Variants in PCDHGB3 observed in about 807,000 individuals in gnomAD.
PCDHGB3 encodes protocadherin gamma subfamily B, 3, also known as protocadherin gamma-B3.
Under a neutral mutation model 59.2 loss-of-function variants are expected in PCDHGB3, and 40 were observed. That is an observed-to-expected ratio of 0.68 (90% CI 0.52 to 0.88). The LOEUF (loss-of-function observed/expected upper bound fraction) is 0.88. PCDHGB3 is among the 40% of genes least tolerant of loss of function. PCDHGB3 has a pLI of 0.00. For synonymous variants in PCDHGB3, 581 were observed against 503.6 expected (o/e 1.15, Z -2.06); for missense variants, 1,309 against 1,187.9 (o/e 1.10, Z -1.50).
chr5:141,415,853 G>A, intron 1 of PCDHGB3: 1 of 1,186,350 alleles, frequency 8.4e-7, no homozygotes, highest in Non-Finnish European at 1.1e-6. Flanking sequence ...GCAGAACCTT[G>A]TAGTTTATAG....
At chr5:141,495,852 TCTCA>T (rs1473070626) in intron 2 of PCDHGB3, among the ~76,000 whole-genome samples, 1 of 152,174 alleles carries the variant, frequency 6.6e-6, no homozygotes, top group Non-Finnish European at 1.5e-5. Flanking sequence ...TTTCTCTGTC[TCTCA>T]CTATTTCTGC....
At chr5:141,409,618 G>T (rs374484255) in intron 1 of PCDHGB3, 77 of 1,613,776 alleles carry the variant, frequency 4.8e-5, no homozygotes, top group Non-Finnish European at 6.3e-5. Context: ...CCTCCATTGC[G>T]CAAGTGAGCG....
At chr5:141,418,855 A>C in intron 1 of PCDHGB3, 1 of 1,614,042 alleles carries the variant, frequency 6.2e-7, no homozygotes, top group Non-Finnish European at 8.5e-7. Context: ...CACGGTGTAA[A>C]GTAATTGTAG....
intron 1 of PCDHGB3, among the ~76,000 whole-genome samples, chr5:141,460,983 G>GTGTGTGTA (rs1554142949): frequency 2.2e-5 from 3 of 137,844 alleles, no homozygotes; most frequent in African/African-American, 7.7e-5. Flanking sequence ...GTGTGTGTGT[G>GTGTGTGTA]TATATATATA....
chr5:141,454,088 T>C (rs2154564493), intron 1 of PCDHGB3, among the ~76,000 whole-genome samples: 1 of 152,342 alleles, frequency 6.6e-6, no homozygotes. Context: ...CAGTGAAATT[T>C]GAATTGAACA....
intron 1 of PCDHGB3, among the ~76,000 whole-genome samples, chr5:141,406,837 CA>C (rs1174898109): frequency 6.6e-6 from 1 of 152,170 alleles, no homozygotes; most frequent in Non-Finnish European, 1.5e-5. Flanking sequence ...ACTTGCATAT[CA>C]GATATAATTT....
intron 1 of PCDHGB3, chr5:141,418,388 T>C: frequency 6.2e-7 from 1 of 1,613,942 alleles, no homozygotes; most frequent in Non-Finnish European, 8.5e-7. Flanking sequence ...TCCTAACGAG[T>C]ATTTCTCATT....
chr5:141,423,138 C>A (rs767107885), intron 1 of PCDHGB3: 3 of 1,613,606 alleles, frequency 1.9e-6, no homozygotes, highest in Non-Finnish European at 2.5e-6. Context: ...TGGACAGAGA[C>A]GCGCTCAAGC....
Position 141,417,626 on chromosome 5 carries a change from T to C in PCDHGB3, c.2415+44817T>C, listed in dbSNP as rs1156653216. ...CCGTCGGCCAGTGCAGAGCAAGCGC[T>C]GACGCCGGGGATCCCTCAGCCTCTA... On this transcript the variant is annotated intron_variant, in intron 1 of 3. Coordinates refer to ENST00000576222, the MANE Select transcript of PCDHGB3 (RefSeq NM_018924.5). The C allele has an allele frequency of 4.4e-6, 3 of 689,458 alleles. No homozygotes were observed. In the African/African-American group the frequency reaches 5.4e-5, roughly 12 times the overall value. The allele number at this position is 689,458 out of a possible 1,614,324, so 42.7% of individuals were successfully genotyped here. A position where few individuals can be genotyped will look rare whatever the true frequency, so the allele number is the denominator to read the frequency against.
At chr5:141,399,134 A>G (rs2093758534) in intron 1 of PCDHGB3, 6 of 1,613,856 alleles carry the variant, frequency 3.7e-6, no homozygotes, top group Non-Finnish European at 5.1e-6. Flanking sequence ...ATTCAAGATG[A>G]AAATGACAAT....
chr5:141,424,023 A>G (rs1391381195), intron 1 of PCDHGB3: 1 of 1,047,166 alleles, frequency 9.5e-7, no homozygotes, highest in Non-Finnish European at 1.2e-6. Context: ...TGATTCACAA[A>G]CACTTTTTAT....
chr5:141,428,508 T>G, intron 1 of PCDHGB3: 1 of 279,550 alleles, frequency 3.6e-6, no homozygotes, highest in South Asian at 4.0e-5. Flanking sequence ...CCTCGGATTC[T>G]AGAAAAAGAA....
intron 1 of PCDHGB3, among the ~76,000 whole-genome samples, chr5:141,492,964 C>CT (rs2099745347): frequency 6.6e-6 from 1 of 152,354 alleles, no homozygotes; most frequent in Non-Finnish European, 1.5e-5. Context: ...ATCTGACACT[C>CT]TAACAAGTCC....
intron 1 of PCDHGB3, among the ~76,000 whole-genome samples, chr5:141,465,911 A>G (rs540115471): frequency 6.6e-6 from 1 of 152,260 alleles, no homozygotes; most frequent in East Asian, 1.9e-4. Context: ...TCACGAGGTC[A>G]GGATTTCGAG....
At chr5:141,413,369 A>G (rs767278842) in intron 1 of PCDHGB3, 1 of 1,613,964 alleles carries the variant, frequency 6.2e-7, no homozygotes, top group South Asian at 1.1e-5. Context: ...GAGCTGGCGG[A>G]GCGCGGAGTC....
In PCDHGB3 at chr5:141,371,023, T is replaced by A; in HGVS notation, c.629T>A (p.Leu210Gln). 6.2e-7 allele frequency: 1 copy of A among 1,614,008 alleles called. No individual in the cohort carries two copies. The change falls in exon 1 of 4, where the codon CTG becomes CAG. Residue 210 changes from leucine (L) to glutamine (Q), a missense_variant. Coordinates refer to ENST00000576222, the MANE Select transcript of PCDHGB3 (RefSeq NM_018924.5). ...LDREEQPHHH[L>Q]VLTAVDGGEP... ...AGGGAAGAGCAGCCACATCACCACC[T>A]GGTCCTCACAGCTGTGGATGGGGGC...
chr5:141,505,509 G>A (rs778054090), intron 3 of PCDHGB3, 28 bp downstream of exon 3: 1 of 1,613,940 alleles, frequency 6.2e-7, no homozygotes, highest in Non-Finnish European at 8.5e-7. Context: ...GTGTATGGAA[G>A]AGTGGGAGAC....
chr5:141,496,160 G>C (rs1428576442), intron 2 of PCDHGB3, among the ~76,000 whole-genome samples: 2 of 151,600 alleles, frequency 1.3e-5, no homozygotes, highest in Admixed American at 6.6e-5. Flanking sequence ...CTCTCCACCA[G>C]ACACCCTCCC....
chr5:141,404,124 C>A, intron 1 of PCDHGB3: 1 of 1,613,272 alleles, frequency 6.2e-7, no homozygotes, highest in Non-Finnish European at 8.5e-7. Context: ...GAGAATCTAT[C>A]TTTTACATTA....
Sources: gnomAD v4.1 joint callset for allele counts (sites outside exome capture counted in the v4.1 genomes callset) on GRCh38, gnomAD v4.1.1 for gene constraint, MANE v1.5 for transcripts, NCBI Gene and HGNC (gene_info 2026-07-23, HGNC 2026-07-21) for gene names.